PUDP: variants seen among roughly 807,000 people sequenced by gnomAD.
The protein encoded by PUDP is pseudouridine 5'-phosphatase.
A neutral mutation model predicts 9.4 loss-of-function variants in PUDP; 8 were observed. That is an observed-to-expected ratio of 0.85 (90% CI 0.50 to 1.53). PUDP has a LOEUF of 1.53. PUDP is among the 40% of genes most tolerant of loss of function. The pLI is 0.00. For synonymous variants in PUDP, 99 were observed against 80.7 expected (o/e 1.23, Z -1.22); for missense variants, 188 against 189.7 (o/e 0.99, Z 0.05).
At chrX:6,841,894 A>G (rs928067865) in intron 3 of PUDP, among the ~76,000 whole-genome samples, 2 of 110,713 alleles carry the variant, frequency 1.8e-5, no homozygotes, top group Non-Finnish European at 3.8e-5. Flanking sequence ...ACACATGCCA[A>G]TTCTGTGTGT....
chrX:6,927,567 G>A (rs1928124532), intron 3 of PUDP, among the ~76,000 whole-genome samples: 1 of 111,955 alleles, frequency 8.9e-6, no homozygotes, highest in African/African-American at 3.2e-5. Context: ...GTTCTTCTCA[G>A]GTGCTGTGCC....
chrX:7,123,399 A>G (rs778128273), intron 1 of PUDP, among the ~76,000 whole-genome samples: 13 of 112,222 alleles, frequency 1.2e-4, no homozygotes, highest in Middle Eastern at 4.6e-3. Context: ...TAAGAAATAC[A>G]GTAAAGGACA....
At chrX:6,840,569 A>G (rs1328698039) in intron 3 of PUDP, among the ~76,000 whole-genome samples, 1 of 112,077 alleles carries the variant, frequency 8.9e-6, no homozygotes, top group African/African-American at 3.2e-5. Flanking sequence ...CAGTAAAAAT[A>G]TATTGGTGTA....
At chrX:6,985,347 T>A (rs1300639751) in intron 1 of PUDP, among the ~76,000 whole-genome samples, 2 of 111,785 alleles carry the variant, frequency 1.8e-5, no homozygotes, top group African/African-American at 6.5e-5. Context: ...GTAAGTTTAC[T>A]TAATCTAGGT....
chrX:7,120,223 C>T (rs775008877), intron 1 of PUDP, among the ~76,000 whole-genome samples: 5 of 111,687 alleles, frequency 4.5e-5, no homozygotes, highest in Non-Finnish European at 7.5e-5. Flanking sequence ...TCCATGGCAA[C>T]AGGGAATTTG....
intron 3 of PUDP, among the ~76,000 whole-genome samples, chrX:6,906,133 G>T (rs1927762940): frequency 8.9e-6 from 1 of 112,035 alleles, no homozygotes. Flanking sequence ...CCATGGCTCT[G>T]GGGGGCAAGG....
Position 6,744,217 on chromosome X carries a change from T to C in PUDP, c.*248-37751A>G, listed in dbSNP as rs142098436. Among the ~76,000 whole-genome samples, 979 of 112,535 alleles carry C rather than the reference T, an allele frequency of 8.7e-3. 19 individuals carry two copies. Among genetic ancestry groups the C allele is most frequent in the African/African-American group, 0.029 (894 of 30,845 alleles). On this transcript the variant is annotated intron_variant and NMD_transcript_variant, in intron 3 of 3. Transcript: ENST00000655425. ...CCTAAAAAGTGTTTTCTACTTCATA[T>C]TATTTCCAAAAAAGCAAATTGGCAA...
chrX:6,924,024 C>A (rs1380793767), intron 3 of PUDP, among the ~76,000 whole-genome samples: 5 of 111,103 alleles, frequency 4.5e-5, no homozygotes, highest in Non-Finnish European at 9.4e-5. Flanking sequence ...TAACATCCAC[C>A]TGACTCACAC....
intron 2 of PUDP, among the ~76,000 whole-genome samples, chrX:7,080,580 A>C (rs1931050786): frequency 8.9e-6 from 1 of 112,153 alleles, no homozygotes; most frequent in African/African-American, 3.2e-5. Flanking sequence ...TCAGTGTAGA[A>C]GTACTCCACC....
intron 3 of PUDP, among the ~76,000 whole-genome samples, chrX:6,731,446 A>C (rs1924806793): frequency 9.0e-6 from 1 of 111,376 alleles, no homozygotes; most frequent in Admixed American, 9.6e-5. Flanking sequence ...CTGGTGAAAA[A>C]CCAACTAAAA....
intron 3 of PUDP, among the ~76,000 whole-genome samples, chrX:6,890,136 A>G (rs1019538364): frequency 8.9e-6 from 1 of 112,014 alleles, no homozygotes; most frequent in Non-Finnish European, 1.9e-5. Flanking sequence ...CAGATTCCAC[A>G]GGGCATATTC....
chrX:6,797,226 A>G (rs6639680), intron 3 of PUDP, among the ~76,000 whole-genome samples: 50,021 of 109,385 alleles, frequency 0.46, 10,028 homozygotes, highest in Non-Finnish European at 0.62. Flanking sequence ...AAATTTGAAT[A>G]CAAATGATCT....
chrX:6,758,060 G>A (rs1925189210), intron 3 of PUDP, among the ~76,000 whole-genome samples: 2 of 112,334 alleles, frequency 1.8e-5, no homozygotes, highest in Admixed American at 1.9e-4. Context: ...AACTGTTGTG[G>A]AAAATAATTG....
At chrX:6,932,489 G>C (rs187003161) in intron 3 of PUDP, among the ~76,000 whole-genome samples, 11 of 111,820 alleles carry the variant, frequency 9.8e-5, no homozygotes, top group Non-Finnish European at 1.9e-4. Context: ...GGTGGTGGAG[G>C]AGCCATGATG....
At chrX:6,957,874 G>T (rs1158607905) in intron 3 of PUDP, among the ~76,000 whole-genome samples, 1 of 112,000 alleles carries the variant, frequency 8.9e-6, no homozygotes, top group East Asian at 2.8e-4. Flanking sequence ...AAAGAGGCTG[G>T]GCGTGGTGGC....
intron 3 of PUDP, among the ~76,000 whole-genome samples, chrX:6,957,893 G>A (rs1928651768): frequency 1.8e-5 from 2 of 112,097 alleles, no homozygotes; most frequent in Admixed American, 1.9e-4. Context: ...GCTCATGCCT[G>A]TAACCCCAGC....
intron 1 of PUDP, among the ~76,000 whole-genome samples, chrX:6,711,346 T>C (rs112914379): frequency 8.1e-5 from 9 of 111,418 alleles, no homozygotes; most frequent in African/African-American, 2.6e-4. Flanking sequence ...TAGATTCTTC[T>C]TGCTTCTCTC....
intron 3 of PUDP, among the ~76,000 whole-genome samples, chrX:6,801,984 A>AT (rs1172637605): frequency 9.0e-6 from 1 of 111,355 alleles, no homozygotes; most frequent in East Asian, 2.8e-4. Context: ...CCAACGCAGT[A>AT]TTTTTTTTCC....
chrX:6,748,849 A>C (rs1166175789), intron 3 of PUDP, among the ~76,000 whole-genome samples: 10 of 112,036 alleles, frequency 8.9e-5, no homozygotes, highest in African/African-American at 2.6e-4. Context: ...GATGTGCTAA[A>C]ATTGGAAACA....
Sources: allele counts gnomAD v4.1 joint callset (sites outside exome capture counted in the v4.1 genomes callset), GRCh38; gene constraint gnomAD v4.1.1; transcripts MANE v1.5; gene names NCBI Gene and HGNC (gene_info 2026-07-23, HGNC 2026-07-21).